The following PANK1 variants were observed in gnomAD, a reference collection of about 807,000 sequenced individuals.
PANK1 encodes pantothenic acid kinase 1.
A neutral mutation model predicts 40.1 loss-of-function variants in PANK1; 18 were observed. The ratio of observed to expected loss-of-function variants is 0.45; its 90% CI spans 0.31 to 0.67. The LOEUF (loss-of-function observed/expected upper bound fraction) is 0.67. PANK1 is among the 30% of genes least tolerant of loss of function. The pLI, the probability that PANK1 is intolerant of heterozygous loss-of-function variation, is 0.06. For synonymous variants in PANK1, 242 were observed against 237.7 expected, an observed-to-expected ratio of 1.02 and a Z score of -0.17; for missense variants, 457 against 599.6, an observed-to-expected ratio of 0.76 and a Z score of 2.48.
At chr10:89,589,790 G>C (rs1385548371) in intron 5 of PANK1, among the ~76,000 whole-genome samples, 2 of 150,804 alleles carry the variant, frequency 1.3e-5, no homozygotes, top group Non-Finnish European at 3.0e-5. Flanking sequence ...CAAAAAACTA[G>C]CCACAAATCA....
intron 2 of PANK1, among the ~76,000 whole-genome samples, chr10:89,608,054 T>C (rs1845026954): frequency 6.9e-6 from 1 of 145,984 alleles, no homozygotes; most frequent in Admixed American, 6.9e-5. Flanking sequence ...TTTTTTGAGG[T>C]GGAGTCTGGC....
At chr10:89,620,100 C>T (rs1005638338) in intron 1 of PANK1, among the ~76,000 whole-genome samples, 54 of 152,288 alleles carry the variant, frequency 3.5e-4, no homozygotes, top group Admixed American at 9.2e-4. Flanking sequence ...TCGTCATCTT[C>T]GTAAACTGAG....
chr10:89,615,251 G>C (rs983524339), intron 1 of PANK1, among the ~76,000 whole-genome samples: 1 of 152,224 alleles, frequency 6.6e-6, no homozygotes, highest in Non-Finnish European at 1.5e-5. Context: ...ATCTAGTTCT[G>C]TACCAGAAAT....
chr10:89,612,214 G>T (rs887517602), intron 1 of PANK1, among the ~76,000 whole-genome samples, 166 bp from the exon 2 acceptor site: 1 of 152,168 alleles, frequency 6.6e-6, no homozygotes, highest in African/African-American at 2.4e-5. Context: ...CACAGACAGA[G>T]AAAATTTTAC....
chr10:89,606,151 T>C (rs139619848), intron 2 of PANK1, among the ~76,000 whole-genome samples: 3 of 152,306 alleles, frequency 2.0e-5, no homozygotes, highest in African/African-American at 7.2e-5. Context: ...AGATGTAGCA[T>C]AATTCTTAAG....
intron 3 of PANK1, among the ~76,000 whole-genome samples, chr10:89,594,440 A>T (rs1844504997): frequency 6.6e-6 from 1 of 152,262 alleles, no homozygotes; most frequent in Non-Finnish European, 1.5e-5. Flanking sequence ...CATAAAGCAT[A>T]GTTCAAAGCT....
chr10:89,627,666 ACT>A (rs1841515814), intron 1 of PANK1, among the ~76,000 whole-genome samples: 1 of 152,092 alleles, frequency 6.6e-6, no homozygotes, highest in Admixed American at 6.6e-5. Context: ...AGGAGTGAAA[ACT>A]CTGCTGTGAG....
chr10:89,602,868 T>C (rs1382852625), intron 2 of PANK1, among the ~76,000 whole-genome samples: 2 of 152,172 alleles, frequency 1.3e-5, no homozygotes, highest in African/African-American at 4.8e-5. Flanking sequence ...ACCCTATTTT[T>C]CAAGAGCCAG....
At chr10:89,618,631 A>C (rs1845389668) in intron 1 of PANK1, among the ~76,000 whole-genome samples, 1 of 152,224 alleles carries the variant, frequency 6.6e-6, no homozygotes, top group African/African-American at 2.4e-5. Flanking sequence ...CCATGGGGTC[A>C]GAATGCAACT....
At chr10:89,636,235 C>T (rs1841803845) in intron 1 of PANK1, among the ~76,000 whole-genome samples, 1 of 152,188 alleles carries the variant, frequency 6.6e-6, no homozygotes, top group East Asian at 1.9e-4. Flanking sequence ...TTGCTCCACC[C>T]TTGCAACACG....
chr10:89,588,537 G>T, intron 6 of PANK1, 115 bp downstream of exon 6: 1 of 737,710 alleles, frequency 1.4e-6, no homozygotes, highest in Non-Finnish European at 2.0e-6. Flanking sequence ...AATGCAAAGT[G>T]TAAATGGCAA....
At chr10:89,588,622 T>A (rs760853511) in intron 6 of PANK1, 30 bp downstream of exon 6, 2 of 1,547,526 alleles carry the variant, frequency 1.3e-6, no homozygotes, top group Non-Finnish European at 1.7e-6. Flanking sequence ...ACTCCACATA[T>A]GACAGTAAGT....
At chr10:89,618,405 T>C (rs1845383569) in intron 1 of PANK1, among the ~76,000 whole-genome samples, 1 of 152,226 alleles carries the variant, frequency 6.6e-6, no homozygotes. Flanking sequence ...CCAGAGTTGA[T>C]GTAGAAATGA....
chr10:89,639,085 T>C (rs1841900654), intron 1 of PANK1: 2 of 301,892 alleles, frequency 6.6e-6, no homozygotes, highest in Admixed American at 3.1e-5. Flanking sequence ...GTCCAGTTTG[T>C]GTTGCTATAA....
chr10:89,607,940 G>A (rs543057386), intron 2 of PANK1, among the ~76,000 whole-genome samples: 1 of 151,514 alleles, frequency 6.6e-6, no homozygotes, highest in South Asian at 2.1e-4. Flanking sequence ...GTTAGGCTAA[G>A]TTTTTCTTCT....
chr10:89,592,794 A>C (rs1844439476), intron 5 of PANK1: 1 of 535,906 alleles, frequency 1.9e-6, no homozygotes. Flanking sequence ...TCCATGCCAC[A>C]AGGCAACACT....
At chr10:89,614,006 A>G (rs1181394163) in intron 1 of PANK1, 2 of 456,722 alleles carry the variant, frequency 4.4e-6, no homozygotes, top group Non-Finnish European at 8.8e-6. Context: ...CTTCCCTACT[A>G]TCAACTTTCC....
chr10:89,585,469 T>C (rs1844170010), intron 6 of PANK1, among the ~76,000 whole-genome samples: 1 of 152,132 alleles, frequency 6.6e-6, no homozygotes, highest in Non-Finnish European at 1.5e-5. Context: ...TAGGTGTGAG[T>C]GTGGCAGGAT....
At chr10:89,609,860 T>G (rs1275355421) in intron 2 of PANK1, among the ~76,000 whole-genome samples, 1 of 152,136 alleles carries the variant, frequency 6.6e-6, no homozygotes. Context: ...ACATATTGAG[T>G]AACTTTCTCC....
Sources: allele counts gnomAD v4.1 joint callset (sites outside exome capture counted in the v4.1 genomes callset), GRCh38; gene constraint gnomAD v4.1.1; transcripts MANE v1.5; gene names NCBI Gene and HGNC (gene_info 2026-07-23, HGNC 2026-07-21).